The following NAB1 variants were observed in gnomAD, a reference collection of about 807,000 sequenced individuals.
NAB1 encodes NGFI-A-binding protein 1.
Under a neutral mutation model 49.9 loss-of-function variants are expected in NAB1, and 25 were observed. That is an observed-to-expected ratio of 0.50 (90% confidence interval 0.37 to 0.70). The LOEUF (loss-of-function observed/expected upper bound fraction) is 0.70. NAB1 is among the 30% of genes least tolerant of loss of function. The pLI is 0.00. For synonymous variants in NAB1, 198 were observed against 215.6 expected (o/e 0.92, Z 0.71); for missense variants, 489 against 575.9 (o/e 0.85, Z 1.54).
chr2:190,683,772 C>T lies in NAB1; in HGVS notation c.1040C>T (p.Thr347Ile), dbSNP rs756937100. Residue 347 changes from threonine (T) to isoleucine (I), a missense_variant, in exon 7 of 10, where the codon ACA becomes ATA. Thr to Ile is a moderately conservative substitution (Grantham distance 89). Around this residue, in one of 4 missense-constraint regions of NAB1, gnomAD observed 212 missense variants for 199.3 expected, o/e 1.06. Transcript: ENST00000337386. ...GFPDFQDSVQ[T>I]LFQQARAKSE... The stretch of plus-strand genomic sequence containing the variant: ...CCAGATTTCCAGGATTCTGTGCAAA[C>T]ACTCTTCCAGCAGGCTAGAGCTAAG... The T allele has an allele frequency of 5.0e-6, 8 of 1,613,676 alleles. No homozygotes were observed. The African/African-American group carries it at 5.3e-5, about 11-fold the overall frequency.
chr2:190,667,617 G>T lies in NAB1; in HGVS notation c.820-2709G>T, dbSNP rs72919206. ...AATTATGCTTTCATATTCAGCTATG[G>T]GTTTAAAATAGGAGACCTGGGTTTA... On this transcript the variant is annotated intron_variant, in intron 4 of 9. Transcript: ENST00000337386. The surrounding 1 kb of genome is among the most constrained non-coding windows in gnomAD (Gnocchi z 4.4). 9.6e-3 allele frequency among the ~76,000 whole-genome samples: 1,453 copies of T among 152,108 alleles called. 11 individuals are homozygous for T. Among genetic ancestry groups the T allele is most frequent in the Non-Finnish European group, 0.015 (988 of 67,984 alleles).
At chr2:190,690,075 G>T (rs1035648859) in intron 9 of NAB1, among the ~76,000 whole-genome samples, 170 bp from the exon 10 acceptor site, 13 of 58,404 alleles carry the variant, frequency 2.2e-4, no homozygotes, top group African/African-American at 7.3e-4. Context: ...TTTAAATCCA[G>T]AATCCAAGCT....
Position 190,685,388 on chromosome 2 carries a change from T to A in NAB1, c.1096-88T>A. 1 of 1,201,304 alleles carries A rather than the reference T, an allele frequency of 8.3e-7. No homozygotes were observed. The highest frequency in any genetic ancestry group is 1.1e-6 in the Non-Finnish European group (1 of 873,688). 74.4% of individuals were successfully genotyped at this position (1,201,304 alleles called of 1,614,324 possible). A position where few individuals can be genotyped will look rare whatever the true frequency, so the allele number is the denominator to read the frequency against. ...CTAATTTTAATGAATACTAAATATA[T>A]TTGCTGGAGTCTGAAATTGGCATCT... On this transcript the variant is annotated intron_variant, in intron 7 of 9. Coordinates refer to ENST00000337386, the MANE Select transcript of NAB1 (RefSeq NM_005966.4). The surrounding 1 kb of genome is among the most constrained non-coding windows in gnomAD (Gnocchi z 4.5).
In NAB1 at chr2:190,669,291, G is replaced by T. The variant is rs1275348269; in HGVS notation, c.820-1035G>T. On this transcript the variant is annotated intron_variant, in intron 4 of 9. Transcript: ENST00000337386. This position sits in a 1 kb window ranked among gnomAD's most constrained non-coding sequence, Gnocchi z 4.3. Reference sequence around the variant, plus strand: ...TCAGACAGCAAAACTGTGGGTAAGGGGGTACTGCCGTACCTGATTTCTTAT... The same window carrying T: ...TCAGACAGCAAAACTGTGGGTAAGGTGGTACTGCCGTACCTGATTTCTTAT... Among the ~76,000 whole-genome samples the T allele has an allele frequency of 1.3e-5, 2 of 152,146 alleles. No individual in the cohort carries two copies. The highest frequency in any genetic ancestry group is 2.9e-5 in the Non-Finnish European group (2 of 68,014).
In NAB1 at chr2:190,669,877, C is replaced by A. The variant is rs1559238131; in HGVS notation, c.820-449C>A. Among the ~76,000 whole-genome samples the A allele has an allele frequency of 1.3e-5, 2 of 152,112 alleles. No individual in the cohort carries two copies. ...AAGTGATTTGATAAATGTTTAAAAT[C>A]ATATGGTCTTGATTCCTTTTTAAGA... On this transcript the variant is annotated intron_variant, in intron 4 of 9. Transcript: ENST00000337386. This position sits in a 1 kb window ranked among gnomAD's most constrained non-coding sequence, Gnocchi z 4.3.
intron 5 of NAB1, among the ~76,000 whole-genome samples, chr2:190,671,183 AC>A (rs1694785944): frequency 6.6e-6 from 1 of 151,996 alleles, no homozygotes; most frequent in African/African-American, 2.4e-5. Context: ...CATTAGAGTA[AC>A]TCTAAGTTTT....
chr2:190,655,298 G>A (rs555179421), intron 2 of NAB1, among the ~76,000 whole-genome samples: 1 of 152,260 alleles, frequency 6.6e-6, no homozygotes, highest in Admixed American at 6.5e-5. Flanking sequence ...ATTTGGATTT[G>A]AGAACACTTG....
rs1018405514 is a variant in NAB1, at chr2:190,652,486, T to G, written c.-197+2504T>G. The stretch of plus-strand genomic sequence containing the variant: ...ATCATTTAGCAAAATCTGGTTTAGT[T>G]TTTTCTAATTTTGGCAAGTAAATTT... On this transcript the variant is annotated intron_variant, in intron 2 of 9. Coordinates refer to ENST00000337386, the MANE Select transcript of NAB1 (RefSeq NM_005966.4). The surrounding 1 kb of genome is among the most constrained non-coding windows in gnomAD (Gnocchi z 4.2). Among the ~76,000 whole-genome samples, 1 of 152,210 alleles carries G rather than the reference T, an allele frequency of 6.6e-6. No individual in the cohort carries two copies. The highest frequency in any genetic ancestry group is 1.9e-4 in the East Asian group (1 of 5,206).
rs1694903224 is a variant in NAB1 at position 190,673,135 on chromosome 2, A to G, written c.988A>G (p.Lys330Glu). The change falls in exon 6 of 10, where the codon AAG (lysine) becomes GAG (glutamate). Residue 330 changes from lysine (K) to glutamate (E), a missense_variant. Transcript: ENST00000337386. The part of the protein sequence containing the change: ...KCGERDELSP[K>E]RIKVEDGFPD... Reference sequence around the variant, plus strand: ...TGGAGAAAGAGATGAATTATCCCCAAAGAGAATTAAAGTGGAGGTATGGTC... The same window carrying G: ...TGGAGAAAGAGATGAATTATCCCCAGAGAGAATTAAAGTGGAGGTATGGTC... 6.2e-7 allele frequency: 1 copy of G among 1,611,438 alleles called. No individual in the cohort carries two copies.
At chr2:190,683,446 T>G (rs2125845633) in intron 6 of NAB1, among the ~76,000 whole-genome samples, 1 of 151,764 alleles carries the variant, frequency 6.6e-6, no homozygotes, top group East Asian at 1.9e-4. Flanking sequence ...GCACCCAGCC[T>G]AGGTGAAATG....
Position 190,659,266 on chromosome 2 carries a change from T to C in NAB1, c.90T>C (p.Phe30=). Residue 30 remains phenylalanine (F), a synonymous_variant, in exon 4 of 10, where the codon TTT becomes TTC. Transcript: ENST00000337386. The surrounding 1 kb of genome is among the most constrained non-coding windows in gnomAD (Gnocchi z 6.2). ...ATCTACTTTCTTATTTTGATGCCTT[T>C]ATCCAACAAGGTGGTGATGATGTCC... ...KANLLSYFDA[F]IQQGGDDVQQ... is the part of the protein sequence containing the mutation. 6.2e-7 allele frequency: 1 copy of C among 1,614,210 alleles called. No homozygotes were observed. Among genetic ancestry groups the C allele is most frequent in the East Asian group, 2.2e-5 (1 of 44,886 alleles).
chr2:190,670,418 T>C lies in NAB1; in HGVS notation c.912T>C (p.Ile304=). The C allele has an allele frequency of 6.2e-7, 1 of 1,614,018 alleles. No individual in the cohort carries two copies. The highest frequency in any genetic ancestry group is 1.1e-5 in the South Asian group (1 of 91,082). Residue 304 remains isoleucine, a synonymous_variant, in exon 5 of 10, where the codon ATT becomes ATC. Coordinates refer to ENST00000337386, the MANE Select transcript of NAB1 (RefSeq NM_005966.4). This position sits in a 1 kb window ranked among gnomAD's most constrained non-coding sequence, Gnocchi z 5.3. ...AGCTTTTTGCCTTGGCTCGACAGAT[T>C]TCTCGAGAAGTCACCTATAAATATA... is the stretch of plus-strand genomic sequence containing the variant. ...RDELFALARQ[I]SREVTYKYTY...
chr2:190,689,719 A>G lies in NAB1; in HGVS notation c.1376-526A>G, dbSNP rs1451963743. On this transcript the variant is annotated intron_variant, in intron 9 of 9. Transcript: ENST00000337386. This position sits in a 1 kb window ranked among gnomAD's most constrained non-coding sequence, Gnocchi z 4.3. The stretch of plus-strand genomic sequence containing the variant: ...CCCTACCTTAATATGTCATTGTCGG[A>G]AGAACTTTAAAAAATAGTTCCAAGG... 6.6e-6 allele frequency among the ~76,000 whole-genome samples: 1 copy of G among 152,096 alleles called. No homozygotes were observed. The highest frequency in any genetic ancestry group is 1.5e-5 in the Non-Finnish European group (1 of 67,996).
In NAB1 at chr2:190,684,560, T is replaced by G. The variant is rs1171532147; in HGVS notation, c.1095+733T>G. On this transcript the variant is annotated intron_variant, in intron 7 of 9. Coordinates refer to ENST00000337386, the MANE Select transcript of NAB1 (RefSeq NM_005966.4). The surrounding 1 kb of genome is among the most constrained non-coding windows in gnomAD (Gnocchi z 4.6). ...GTAGTTACTTTTGATTTGGTTTATA[T>G]GCACTCAGAAAAATAGTGTGTTTAT... is the stretch of plus-strand genomic sequence containing the variant. 3.9e-5 allele frequency among the ~76,000 whole-genome samples: 6 copies of G among 152,228 alleles called. No homozygotes were observed. Among genetic ancestry groups the G allele is most frequent in the Non-Finnish European group, 2.9e-5 (2 of 68,034 alleles).
rs12467273 is a variant in NAB1 at position 190,654,409 on chromosome 2, G to C, written c.-196-1568G>C. ...AAATGTAAGAGAGACAAAGTGTTGC[G>C]GGGTTCAGAGAAGGGAGATGACAGC... On this transcript the variant is annotated intron_variant, in intron 2 of 9. Transcript: ENST00000337386. This position sits in a 1 kb window ranked among gnomAD's most constrained non-coding sequence, Gnocchi z 5.6. 1.3e-5 allele frequency among the ~76,000 whole-genome samples: 2 copies of C among 152,032 alleles called. No homozygotes were observed. The highest frequency in any genetic ancestry group is 1.5e-5 in the Non-Finnish European group (1 of 68,018).
chr2:190,668,189 T>A (rs1441647210), intron 4 of NAB1, among the ~76,000 whole-genome samples: 1 of 152,156 alleles, frequency 6.6e-6, no homozygotes, highest in East Asian at 1.9e-4. Context: ...GGTAGTTAGG[T>A]GGAATGTATA....
rs142516670 is a variant in NAB1 at position 190,653,816 on chromosome 2, A to G, written c.-196-2161A>G. Reference sequence around the variant, plus strand: ...GGGCCGGACTCGTTGCATGATGTATAACACTAACCACTTGTAGTTCCTGTA... The same window carrying G: ...GGGCCGGACTCGTTGCATGATGTATGACACTAACCACTTGTAGTTCCTGTA... On this transcript the variant is annotated intron_variant, in intron 2 of 9. Transcript: ENST00000337386. 2.6e-5 allele frequency: 4 copies of G among 152,352 alleles called. No individual in the cohort carries two copies. In the East Asian group the frequency reaches 7.7e-4, roughly 29 times the overall value. The allele number at this position is 152,352 out of a possible 1,614,324, so 9.4% of individuals were successfully genotyped here.
rs1559235606 is a variant in NAB1, at chr2:190,666,845, T to TA, written c.820-3480dup. ...TGTTACTTTATCCTTTTAACAAAAT[T>TA]AGAGTATTGGCATTCAGAAAAAGCT... On this transcript the variant is annotated intron_variant, in intron 4 of 9. Transcript: ENST00000337386. This position sits in a 1 kb window ranked among gnomAD's most constrained non-coding sequence, Gnocchi z 5.6. Among the ~76,000 whole-genome samples the TA allele has an allele frequency of 6.6e-6, 1 of 152,238 alleles. No individual in the cohort carries two copies.
rs963286939 is a variant in NAB1, at chr2:190,652,258, G to T, written c.-197+2276G>T. Reference sequence around the variant, plus strand: ...AGGGGGTGACCCATTAATTTGCATGGTATATTAATTTAATGATTTTTACAG... The same window carrying T: ...AGGGGGTGACCCATTAATTTGCATGTTATATTAATTTAATGATTTTTACAG... On this transcript the variant is annotated intron_variant, in intron 2 of 9. Coordinates refer to ENST00000337386, the MANE Select transcript of NAB1 (RefSeq NM_005966.4). This position sits in a 1 kb window ranked among gnomAD's most constrained non-coding sequence, Gnocchi z 4.2. Among the ~76,000 whole-genome samples, 4 of 152,134 alleles carry T rather than the reference G, an allele frequency of 2.6e-5. No homozygotes were observed. Among genetic ancestry groups the T allele is most frequent in the Non-Finnish European group, 4.4e-5 (3 of 68,008 alleles).
Sources: allele counts gnomAD v4.1 joint callset (sites outside exome capture counted in the v4.1 genomes callset), GRCh38; gene constraint gnomAD v4.1.1; regional missense constraint gnomAD v4.1.1; non-coding constraint Gnocchi (gnomAD v3.1); transcripts MANE v1.5; gene names NCBI Gene and HGNC (gene_info 2026-07-23, HGNC 2026-07-21).